Variants in OSBPL6 observed in about 807,000 individuals in gnomAD.
OSBPL6 encodes oxysterol binding protein like 6.
In OSBPL6, 49 loss-of-function variants were observed where a neutral mutation model predicts 125.8. That is an observed-to-expected ratio of 0.39 (90% CI 0.31 to 0.49). OSBPL6 has a LOEUF of 0.49. Among genes scored for constraint, OSBPL6 ranks in the 20% least tolerant of loss-of-function variants. The pLI, the probability that OSBPL6 is intolerant of heterozygous loss-of-function variation, is 0.88. For missense variants in OSBPL6, 986 were observed against 1,135.4 expected (o/e 0.87, Z 1.89); for synonymous variants, 394 against 391.8 (o/e 1.01, Z -0.07).
intron 2 of OSBPL6, among the ~76,000 whole-genome samples, chr2:178,294,633 TCAATTTATGATGA>T (rs906676479): frequency 5.9e-5 from 9 of 151,932 alleles, no homozygotes; most frequent in African/African-American, 2.2e-4. Flanking sequence ...TAGCTGTTCC[TCAATTTATGATGA>T]GATTAACCTA....
At chr2:178,378,373 C>A (rs989335297) in intron 15 of OSBPL6, among the ~76,000 whole-genome samples, 3 of 152,140 alleles carry the variant, frequency 2.0e-5, no homozygotes, top group African/African-American at 7.2e-5. Flanking sequence ...AATGATTATT[C>A]TGAGAAACAT....
rs755605252 is a variant in OSBPL6 at position 178,402,637 on chromosome 2, G to A, written c.*7078G>A. The A allele has an allele frequency of 6.6e-6, 1 of 152,224 alleles. No homozygotes were observed. The highest frequency in any genetic ancestry group is 1.5e-5 in the Non-Finnish European group (1 of 68,034). 9.4% of individuals were successfully genotyped at this position (152,224 alleles called of 1,614,324 possible). A position where few individuals can be genotyped will look rare whatever the true frequency, so the allele number is the denominator to read the frequency against. ...TATATTAGAAGGTATGAAGACAGTAGTTATGTACTGTTCGTTTGCATACGG... is the reference window on the plus strand; with the variant it reads ...TATATTAGAAGGTATGAAGACAGTAATTATGTACTGTTCGTTTGCATACGG... On this transcript the variant is annotated 3_prime_UTR_variant, in exon 25 of 25. Transcript: ENST00000190611.
chr2:178,267,103 C>T (rs2154021980), intron 1 of OSBPL6, among the ~76,000 whole-genome samples: 1 of 152,236 alleles, frequency 6.6e-6, no homozygotes, highest in African/African-American at 2.4e-5. Flanking sequence ...CCTGTAATCC[C>T]AGCACTTTGG....
intron 12 of OSBPL6, among the ~76,000 whole-genome samples, chr2:178,358,030 A>G (rs772110084): frequency 1.3e-5 from 2 of 152,234 alleles, no homozygotes; most frequent in Non-Finnish European, 2.9e-5. Context: ...TGGGAATTGA[A>G]TAACAAGAAC....
At position 178,383,234 on chromosome 2, in the gene OSBPL6, T is replaced by C; in HGVS notation, c.1832T>C (p.Leu611Pro). The change falls in exon 17 of 25, where the codon CTC (leucine) becomes CCC (proline). Residue 611 changes from leucine to proline, a missense_variant. This residue lies in a region of OSBPL6 where 843 missense variants were observed against 997.3 expected (regional missense o/e 0.85). Transcript: ENST00000190611. ...TGTGAGGAAATGGAATACAGCGAGC[T>C]CCTGGACAAGGCTTCGGAAACTGAT... is the stretch of plus-strand genomic sequence containing the variant. Reference protein sequence around the residue: ...HLCEEMEYSELLDKASETDDP... With the variant: ...HLCEEMEYSEPLDKASETDDP... The C allele has an allele frequency of 6.2e-7, 1 of 1,614,188 alleles. No homozygotes were observed. The highest frequency in any genetic ancestry group is 8.5e-7 in the Non-Finnish European group (1 of 1,180,028).
intron 1 of OSBPL6, among the ~76,000 whole-genome samples, chr2:178,281,685 A>G (rs1684189372): frequency 1.3e-5 from 2 of 152,080 alleles, no homozygotes; most frequent in Non-Finnish European, 2.9e-5. Flanking sequence ...TATCCTCAGC[A>G]AACTAACACA....
chr2:178,229,320 C>T lies in OSBPL6; in HGVS notation c.-351+34646C>T, dbSNP rs192954946. ...CCTTGTCTCTGAATGATCTCTAGAC[C>T]GTGCATGGTGTTTAAATTAATTAAA... On this transcript the variant is annotated intron_variant, in intron 1 of 24. Coordinates refer to ENST00000190611, the MANE Select transcript of OSBPL6 (RefSeq NM_032523.4). Among the ~76,000 whole-genome samples the T allele has an allele frequency of 1.1e-4, 17 of 152,216 alleles. No homozygotes were observed. The East Asian group carries it at 2.5e-3, about 22-fold the overall frequency.
intron 3 of OSBPL6, among the ~76,000 whole-genome samples, chr2:178,310,578 C>G (rs1006084504): frequency 6.6e-6 from 1 of 151,922 alleles, no homozygotes; most frequent in Non-Finnish European, 1.5e-5. Context: ...CCACCGCACC[C>G]GGCTAATTTT....
At chr2:178,367,647 T>A (rs933006261) in intron 13 of OSBPL6, among the ~76,000 whole-genome samples, 1 of 152,222 alleles carries the variant, frequency 6.6e-6, no homozygotes, top group Non-Finnish European at 1.5e-5. Context: ...TGATTCTGGC[T>A]CAAATCTTTA....
At chr2:178,304,425 T>A (rs1310301964) in intron 2 of OSBPL6, among the ~76,000 whole-genome samples, 1 of 152,052 alleles carries the variant, frequency 6.6e-6, no homozygotes, top group African/African-American at 2.4e-5. Flanking sequence ...AGAAAGCCCC[T>A]TACAAAACCA....
intron 12 of OSBPL6, among the ~76,000 whole-genome samples, chr2:178,356,459 G>A (rs1691805167): frequency 6.6e-6 from 1 of 152,104 alleles, no homozygotes. Context: ...CAAACAGAGA[G>A]CCAAATCATG....
chr2:178,395,164 A>G (rs923071047), intron 24 of OSBPL6, among the ~76,000 whole-genome samples: 5 of 152,072 alleles, frequency 3.3e-5, no homozygotes, highest in Admixed American at 6.5e-5. Flanking sequence ...CAGTATTTGT[A>G]TATGCTTTAT....
chr2:178,296,240 C>T (rs185863846), intron 2 of OSBPL6, among the ~76,000 whole-genome samples: 90 of 152,252 alleles, frequency 5.9e-4, no homozygotes, highest in African/African-American at 1.9e-3. Flanking sequence ...ACACGTTGAT[C>T]CCAATGGTAC....
chr2:178,229,104 C>T (rs1254340462), intron 1 of OSBPL6, among the ~76,000 whole-genome samples: 1 of 152,132 alleles, frequency 6.6e-6, no homozygotes, highest in Non-Finnish European at 1.5e-5. Context: ...GTGTAAAGGG[C>T]AAAATACAAG....
chr2:178,305,357 A>G (rs1455390194), intron 2 of OSBPL6, among the ~76,000 whole-genome samples: 3 of 152,246 alleles, frequency 2.0e-5, no homozygotes, highest in Non-Finnish European at 2.9e-5. Flanking sequence ...AACCTTCCTT[A>G]CATGAATCCA....
At chr2:178,285,609 A>C (rs1684625445) in intron 2 of OSBPL6, among the ~76,000 whole-genome samples, 1 of 152,212 alleles carries the variant, frequency 6.6e-6, no homozygotes, top group African/African-American at 2.4e-5. Flanking sequence ...TGGTACTAGC[A>C]ATACTTTTTG....
In OSBPL6 at chr2:178,389,143, C is replaced by G. The variant is rs761054456; in HGVS notation, c.2291C>G (p.Thr764Arg). Residue 764 changes from threonine (T) to arginine (R), a missense_variant, in exon 21 of 25, where the codon ACA (threonine) becomes AGA (arginine). By Grantham distance (71) the Thr-to-Arg change is moderately conservative. Coordinates refer to ENST00000190611, the MANE Select transcript of OSBPL6 (RefSeq NM_032523.4). Reference sequence around the variant, plus strand: ...AGCAGTGTTTGCATTTGCAAACTCACATTTGTCAAGGTAAATACTATCATA... The same window carrying G: ...AGCAGTGTTTGCATTTGCAAACTCAGATTTGTCAAGGTAAATACTATCATA... ...TKSSVCICKL[T>R]FVKVNYWNSN... 1.2e-6 allele frequency: 2 copies of G among 1,613,434 alleles called. No homozygotes were observed. The highest frequency in any genetic ancestry group is 4.5e-5 in the East Asian group (2 of 44,820).
intron 1 of OSBPL6, among the ~76,000 whole-genome samples, chr2:178,209,091 A>G (rs1414954556): frequency 6.6e-6 from 1 of 151,938 alleles, no homozygotes; most frequent in Non-Finnish European, 1.5e-5. Flanking sequence ...TTTATGTTCA[A>G]TCTTTTGTCC....
intron 4 of OSBPL6, among the ~76,000 whole-genome samples, chr2:178,324,896 G>A (rs1688560302): frequency 6.6e-6 from 1 of 152,176 alleles, no homozygotes; most frequent in Non-Finnish European, 1.5e-5. Context: ...CAAGCTGCAA[G>A]GTAAAATAGA....
Sources: gnomAD v4.1 joint callset for allele counts (sites outside exome capture counted in the v4.1 genomes callset) on GRCh38, gnomAD v4.1.1 for gene constraint, gnomAD v4.1.1 regional missense constraint, MANE v1.5 for transcripts, NCBI Gene and HGNC (gene_info 2026-07-23, HGNC 2026-07-21) for gene names.